EVI5: variants seen among roughly 807,000 people sequenced by gnomAD.
EVI5 encodes ecotropic viral integration site 5.
A neutral mutation model predicts 112.0 loss-of-function variants in EVI5; 73 were observed. That is an observed-to-expected ratio of 0.65 (90% CI 0.54 to 0.79). EVI5 has a LOEUF of 0.79. Among genes scored for constraint, EVI5 ranks in the 30% least tolerant of loss-of-function variants. The pLI is 0.00. For synonymous variants in EVI5, 305 were observed against 319.9 expected (o/e 0.95, Z 0.50); for missense variants, 900 against 968.8 (o/e 0.93, Z 0.94).
At chr1:92,679,512 T>C (rs11164797) in intron 9 of EVI5, among the ~76,000 whole-genome samples, 2,671 of 152,284 alleles carry the variant, frequency 0.018, 93 homozygotes, top group African/African-American at 0.061. Flanking sequence ...ACTCCACTGA[T>C]AGTGTTTTTC....
intron 16 of EVI5, 45 bp downstream of exon 16, chr1:92,624,131 T>A: frequency 6.7e-7 from 1 of 1,496,572 alleles, no homozygotes; most frequent in Non-Finnish European, 9.3e-7. Context: ...AAACCCTTGA[T>A]CAGCTAATGA....
chr1:92,705,214 C>T (rs2102560931), intron 2 of EVI5, among the ~76,000 whole-genome samples: 1 of 152,308 alleles, frequency 6.6e-6, no homozygotes, highest in South Asian at 2.1e-4. Context: ...TTGCTTCACA[C>T]ATGCATAACC....
At chr1:92,787,638 C>A (rs752248325), upstream of EVI5, among the ~76,000 whole-genome samples, 128 of 151,814 alleles carry the variant, frequency 8.4e-4, no homozygotes, top group Middle Eastern at 6.8e-3. Context: ...TACTTGGGAG[C>A]CTGAGGCAGG....
intron 1 of EVI5, among the ~76,000 whole-genome samples, chr1:92,777,311 A>G (rs1684276430): frequency 6.6e-6 from 1 of 152,232 alleles, no homozygotes; most frequent in African/African-American, 2.4e-5. Context: ...GCAACATTTA[A>G]TGTACACATG....
chr1:92,684,601 G>C (rs1156795827), intron 9 of EVI5, among the ~76,000 whole-genome samples: 2 of 152,064 alleles, frequency 1.3e-5, no homozygotes, highest in Admixed American at 1.3e-4. Context: ...AAAAGACACA[G>C]ACTGGCAAAT....
chr1:92,528,173 C>T (rs990224339), intron 19 of EVI5, among the ~76,000 whole-genome samples: 3 of 152,200 alleles, frequency 2.0e-5, no homozygotes, highest in African/African-American at 7.2e-5. Context: ...AAATACAACA[C>T]TGAATTTTCA....
intron 16 of EVI5, among the ~76,000 whole-genome samples, chr1:92,617,362 A>G (rs1261785253): frequency 1.3e-5 from 2 of 152,106 alleles, no homozygotes; most frequent in East Asian, 1.9e-4. Flanking sequence ...GGTGACAAAG[A>G]AATTTGGAGA....
In EVI5 at chr1:92,630,478, G is replaced by A. The variant is rs905433560; in HGVS notation, c.1528-4544C>T. Among the ~76,000 whole-genome samples the A allele has an allele frequency of 9.2e-5, 14 of 152,286 alleles. No homozygotes were observed. The South Asian group carries it at 1.2e-3, about 14-fold the overall frequency. On this transcript the variant is annotated intron_variant, in intron 14 of 19. Coordinates refer to ENST00000684568, the MANE Select transcript of EVI5 (RefSeq NM_001350197.2). ...GCATAAGTGTCTTCTTTTGAGAAGTGTCTGTTCATATCCTTCACCCACTTG... is the reference window on the plus strand; with the variant it reads ...GCATAAGTGTCTTCTTTTGAGAAGTATCTGTTCATATCCTTCACCCACTTG...
In EVI5 at chr1:92,761,697, C is replaced by T. The variant is rs117138625; in HGVS notation, c.-82+23139G>A. Among the ~76,000 whole-genome samples, 202 of 152,182 alleles carry T rather than the reference C, an allele frequency of 1.3e-3. 2 individuals carry two copies. In the East Asian group the frequency reaches 0.03, roughly 23 times the overall value. On this transcript the variant is annotated intron_variant, in intron 1 of 19. Transcript: ENST00000684568. ...TATTGCCCAGGTTGGTCTCAAACTC[C>T]TGGGCTCTAGTAATGCTCCCGGCTC...
intron 1 of EVI5, among the ~76,000 whole-genome samples, chr1:92,754,003 T>A (rs539210533): frequency 6.6e-6 from 1 of 152,264 alleles, no homozygotes; most frequent in South Asian, 2.1e-4. Flanking sequence ...AAAGATTGTA[T>A]CCTAACCCAA....
intron 18 of EVI5, among the ~76,000 whole-genome samples, chr1:92,581,733 G>C (rs866818942): frequency 6.6e-6 from 1 of 151,534 alleles, no homozygotes; most frequent in African/African-American, 2.4e-5. Flanking sequence ...TAGATAGTTG[G>C]GGTAGGTAAT....
intron 6 of EVI5, among the ~76,000 whole-genome samples, chr1:92,696,051 C>T (rs1670271367): frequency 2.0e-5 from 3 of 151,970 alleles, no homozygotes; most frequent in African/African-American, 4.8e-5. Context: ...CCATCTCAGC[C>T]TCCCAGGCAG....
intron 9 of EVI5, among the ~76,000 whole-genome samples, chr1:92,689,881 A>G (rs1429921519): frequency 6.6e-6 from 1 of 152,076 alleles, no homozygotes; most frequent in Non-Finnish European, 1.5e-5. Context: ...ATTAAAGGGA[A>G]TAATAAAGTT....
At chr1:92,733,463 G>A (rs1676825457) in intron 2 of EVI5, among the ~76,000 whole-genome samples, 1 of 149,400 alleles carries the variant, frequency 6.7e-6, no homozygotes, top group African/African-American at 2.5e-5. Context: ...CTGGAATGCA[G>A]TGGCATGATC....
Position 92,736,525 on chromosome 1 carries a change from G to T in EVI5, c.22C>A (p.Pro8Thr). Reference protein sequence around the residue: MASQVASPSTSLHTTSSS... With the variant: MASQVASTSTSLHTTSSS... ...GATGTGGTATGTAATGAAGTAGATGGACTTGCCACCTGACTGGCCATCTGA... is the reference window on the plus strand; with the variant it reads ...GATGTGGTATGTAATGAAGTAGATGTACTTGCCACCTGACTGGCCATCTGA... Residue 8 changes from proline to threonine, a missense_variant, in exon 2 of 20, where the codon CCA becomes ACA. By Grantham distance (38) the Pro-to-Thr change is conservative. Transcript: ENST00000684568. The T allele has an allele frequency of 6.2e-7, 1 of 1,613,780 alleles. No individual in the cohort carries two copies. The highest frequency in any genetic ancestry group is 1.1e-5 in the South Asian group (1 of 91,072).
chr1:92,665,885 C>G lies in EVI5; in HGVS notation c.1212+54G>C, dbSNP rs991550330. On this transcript the variant is annotated intron_variant, in intron 11 of 19. Transcript: ENST00000684568. Reference sequence around the variant, plus strand: ...TTTTTGAGGATTTTTAATAAATATACAGAAAAAACACCAGGCATTCAACAG... The same window carrying G: ...TTTTTGAGGATTTTTAATAAATATAGAGAAAAAACACCAGGCATTCAACAG... 30 of 1,248,032 alleles carry G rather than the reference C, an allele frequency of 2.4e-5. No individual in the cohort carries two copies. In the African/African-American group the frequency reaches 3.4e-4, roughly 14 times the overall value. The allele number at this position is 1,248,032 out of a possible 1,614,324, so 77.3% of individuals were successfully genotyped here.
At chr1:92,656,404 T>A (rs1056537498) in intron 13 of EVI5, among the ~76,000 whole-genome samples, 1 of 150,748 alleles carries the variant, frequency 6.6e-6, no homozygotes, top group Non-Finnish European at 1.5e-5. Flanking sequence ...CAGCACCAAG[T>A]GGGAAGTCTG....
Position 92,511,444 on chromosome 1 carries a change from C to G in EVI5, c.*2212G>C, listed in dbSNP as rs1659186959. 6.6e-6 allele frequency: 1 copy of G among 151,978 alleles called. No homozygotes were observed. Among genetic ancestry groups the G allele is most frequent in the Non-Finnish European group, 1.5e-5 (1 of 68,062 alleles). The allele number at this position is 151,978 out of a possible 1,614,324, so 9.4% of individuals were successfully genotyped here. A position where few individuals can be genotyped will look rare whatever the true frequency, so the allele number is the denominator to read the frequency against. On this transcript the variant is annotated 3_prime_UTR_variant, in exon 20 of 20. Transcript: ENST00000684568. ...GCCTGAGTGCAGTGAGACTTCATCTCAAAAAACAAAAATAAAAACAAAACA... is the reference window on the plus strand; with the variant it reads ...GCCTGAGTGCAGTGAGACTTCATCTGAAAAAACAAAAATAAAAACAAAACA...
At chr1:92,598,514 G>C (rs1016594958) in intron 18 of EVI5, among the ~76,000 whole-genome samples, 4 of 152,176 alleles carry the variant, frequency 2.6e-5, no homozygotes, top group Admixed American at 2.6e-4. Context: ...TGGCCAAAGA[G>C]AAAGTCATGG....
Sources: allele counts gnomAD v4.1 joint callset (sites outside exome capture counted in the v4.1 genomes callset), GRCh38; gene constraint gnomAD v4.1.1; transcripts MANE v1.5; gene names NCBI Gene and HGNC (gene_info 2026-07-23, HGNC 2026-07-21).